SYT2: variants seen among roughly 807,000 people sequenced by gnomAD.
SYT2 encodes synaptotagmin 2, also known as synaptotagmin-2.
Under a neutral mutation model 39.9 loss-of-function variants are expected in SYT2, and 15 were observed. That is an observed-to-expected ratio of 0.38 (90% CI 0.25 to 0.58). The LOEUF is 0.58. Ranked by LOEUF, SYT2 falls within the 20% of genes least tolerant of loss-of-function variation. The pLI is 0.70. For synonymous variants in SYT2, 181 were observed against 204.5 expected (o/e 0.89, Z 0.98); for missense variants, 389 against 530.3 (o/e 0.73, Z 2.62).
chr1:202,644,480 A>T (rs1358591518), intron 1 of SYT2, among the ~76,000 whole-genome samples: 1 of 151,750 alleles, frequency 6.6e-6, no homozygotes, highest in Non-Finnish European at 1.5e-5. Context: ...ACCCGATAAG[A>T]CCTCGGGGCC....
At chr1:202,705,386 G>A (rs1654223027) in intron 1 of SYT2, among the ~76,000 whole-genome samples, 1 of 152,256 alleles carries the variant, frequency 6.6e-6, no homozygotes, top group Non-Finnish European at 1.5e-5. Context: ...GTTCCCTGTT[G>A]TGCGGGACCC....
At chr1:202,685,519 A>G (rs987099469) in intron 1 of SYT2, among the ~76,000 whole-genome samples, 9 of 152,176 alleles carry the variant, frequency 5.9e-5, no homozygotes, top group Non-Finnish European at 1.2e-4. Flanking sequence ...TTGTCAGTGG[A>G]CACACTGGCA....
chr1:202,640,734 CAGAGAGAGAGAGAGAG>C (rs56979202), intron 1 of SYT2, among the ~76,000 whole-genome samples: 4,722 of 90,696 alleles, frequency 0.052, 123 homozygotes, highest in Middle Eastern at 0.1. Flanking sequence ...TCCTAATGGT[CAGAGAGAGAGAGAGAG>C]AGAGAGAGAG....
At chr1:202,645,656 A>G (rs1047890738) in intron 1 of SYT2, among the ~76,000 whole-genome samples, 1 of 152,174 alleles carries the variant, frequency 6.6e-6, no homozygotes, top group African/African-American at 2.4e-5. Context: ...AAAATAAAGC[A>G]CTTCTGTAAG....
chr1:202,679,842 C>T (rs1461646316), intron 1 of SYT2, among the ~76,000 whole-genome samples: 6 of 152,212 alleles, frequency 3.9e-5, no homozygotes, highest in Non-Finnish European at 8.8e-5. Context: ...CAACCCCTCC[C>T]AGGCCCTCAC....
intron 1 of SYT2, among the ~76,000 whole-genome samples, chr1:202,675,626 C>T (rs1434887461): frequency 1.3e-5 from 2 of 152,056 alleles, no homozygotes; most frequent in African/African-American, 2.4e-5. Context: ...TCCTGGACAC[C>T]GAGCAGGAAG....
intron 1 of SYT2, among the ~76,000 whole-genome samples, chr1:202,622,237 C>A (rs1691221076): frequency 6.6e-6 from 1 of 152,196 alleles, no homozygotes; most frequent in African/African-American, 2.4e-5. Flanking sequence ...ATGCTTCAGT[C>A]CAACATTTGG....
At chr1:202,698,881 C>T (rs987401242) in intron 1 of SYT2, among the ~76,000 whole-genome samples, 2 of 152,084 alleles carry the variant, frequency 1.3e-5, no homozygotes, top group African/African-American at 4.8e-5. Flanking sequence ...CTTTAGGTCC[C>T]CTACAAAAGA....
intron 1 of SYT2, among the ~76,000 whole-genome samples, chr1:202,650,132 T>C (rs1327008618): frequency 1.3e-5 from 2 of 152,206 alleles, no homozygotes; most frequent in Non-Finnish European, 2.9e-5. Flanking sequence ...GGGGCTGGGC[T>C]CAGAGGATCT....
chr1:202,611,434 C>G (rs1690881525), intron 1 of SYT2, among the ~76,000 whole-genome samples: 1 of 152,188 alleles, frequency 6.6e-6, no homozygotes, highest in Non-Finnish European at 1.5e-5. Context: ...TCACTGCCAC[C>G]TCCACCTCCC....
At chr1:202,683,646 TG>T (rs1653582745) in intron 1 of SYT2, among the ~76,000 whole-genome samples, 1 of 148,542 alleles carries the variant, frequency 6.7e-6, no homozygotes, top group South Asian at 2.1e-4. Context: ...GAGGCTGAGG[TG>T]GGAGGACTGC....
Position 202,596,738 on chromosome 1 carries a change from G to C in SYT2, c.*19C>G. ...CTTGTCAGTGTCCGTGAAAGGTGTGGGGTCCCAGCCGCTGCTGTCTACTTG... is the reference window on the plus strand; with the variant it reads ...CTTGTCAGTGTCCGTGAAAGGTGTGCGGTCCCAGCCGCTGCTGTCTACTTG... On this transcript the variant is annotated 3_prime_UTR_variant, in exon 9 of 9. Coordinates refer to ENST00000367268, the MANE Select transcript of SYT2 (RefSeq NM_177402.5). The C allele has an allele frequency of 6.2e-7, 1 of 1,606,840 alleles. No individual in the cohort carries two copies. Among genetic ancestry groups the C allele is most frequent in the Non-Finnish European group, 8.5e-7 (1 of 1,174,716 alleles).
Position 202,596,903 on chromosome 1 carries a change from C to G in SYT2, c.1114G>C (p.Gly372Arg). ...GCATTGCTGCCCACGAAGATCTTGCCTATGGCTTCGTTCTTGCCCAGCTTG... is the reference window on the plus strand; with the variant it reads ...GCATTGCTGCCCACGAAGATCTTGCGTATGGCTTCGTTCTTGCCCAGCTTG... ...YDKLGKNEAI[G>R]KIFVGSNATG... Residue 372 changes from glycine to arginine, a missense_variant, in exon 9 of 9, where the codon GGC becomes CGC. Physicochemically the swap from Gly to Arg is moderately radical, Grantham distance 125. This residue lies in a region of SYT2 where 84 missense variants were observed against 123.1 expected (regional missense o/e 0.68). Transcript: ENST00000367268. 6.2e-7 allele frequency: 1 copy of G among 1,614,220 alleles called. No homozygotes were observed. Among genetic ancestry groups the G allele is most frequent in the Non-Finnish European group, 8.5e-7 (1 of 1,180,040 alleles).
chr1:202,656,638 A>G (rs1692282471), intron 1 of SYT2, among the ~76,000 whole-genome samples: 1 of 152,222 alleles, frequency 6.6e-6, no homozygotes, highest in Admixed American at 6.5e-5. Context: ...GCTGGACCAC[A>G]TGTTAACTTT....
intron 1 of SYT2, among the ~76,000 whole-genome samples, chr1:202,677,687 G>A (rs893493814): frequency 2.0e-5 from 3 of 152,192 alleles, no homozygotes; most frequent in African/African-American, 2.4e-5. Flanking sequence ...GTAAATGATT[G>A]TTTTTGTTTT....
intron 1 of SYT2, among the ~76,000 whole-genome samples, chr1:202,633,218 T>TG (rs1178183589): frequency 1.3e-5 from 2 of 152,036 alleles, no homozygotes; most frequent in African/African-American, 4.8e-5. Context: ...GTCACCAAAA[T>TG]ATGCTGGGCA....
In SYT2 at chr1:202,603,086, C is replaced by G. The variant is rs777110675; in HGVS notation, c.378G>C (p.Glu126Asp). The change falls in exon 4 of 9, where the codon GAG (glutamate) becomes GAC (aspartate). Residue 126 changes from glutamate (E) to aspartate (D), a missense_variant. Coordinates refer to ENST00000367268, the MANE Select transcript of SYT2 (RefSeq NM_177402.5). Reference protein sequence around the residue: ...DDDDAETGLTEGEGEGEEEKE... With the variant: ...DDDDAETGLTDGEGEGEEEKE... ...TCTCCTCCTCCCCTTCACCTTCCCCCTCAGTCAGGCCTGTCTCTGCGTCGT... is the reference window on the plus strand; with the variant it reads ...TCTCCTCCTCCCCTTCACCTTCCCCGTCAGTCAGGCCTGTCTCTGCGTCGT... 3.7e-6 allele frequency: 6 copies of G among 1,614,180 alleles called. No homozygotes were observed. Among genetic ancestry groups the G allele is most frequent in the Middle Eastern group, 1.6e-4 (1 of 6,062 alleles).
At chr1:202,691,759 GAGAGAGAGAGAGAGAGAGAGAGAGAT>G (rs1653839667) in intron 1 of SYT2, among the ~76,000 whole-genome samples, 2 of 133,596 alleles carry the variant, frequency 1.5e-5, no homozygotes, top group Admixed American at 7.4e-5. Flanking sequence ...GAGAGAGAGA[GAGAGAGAGAGAGAGAGAGAGAGAGAT>G]GGGAGAGGGT....
intron 1 of SYT2, among the ~76,000 whole-genome samples, chr1:202,663,130 C>G (rs1221502322): frequency 6.6e-6 from 1 of 152,124 alleles, no homozygotes; most frequent in Non-Finnish European, 1.5e-5. Flanking sequence ...AGGTATCAGC[C>G]CAACACAGGG....
Sources: allele counts gnomAD v4.1 joint callset (sites outside exome capture counted in the v4.1 genomes callset), GRCh38; gene constraint gnomAD v4.1.1; regional missense constraint gnomAD v4.1.1; transcripts MANE v1.5; gene names NCBI Gene and HGNC (gene_info 2026-07-23, HGNC 2026-07-21).